Variants in ASIC2 observed in about 807,000 individuals in gnomAD.
The protein encoded by ASIC2 is acid-sensing ion channel 2.
In ASIC2, 25 loss-of-function variants were observed where a neutral mutation model predicts 57.3. The ratio of observed to expected loss-of-function variants is 0.44; its 90% CI spans 0.32 to 0.61. ASIC2 has a LOEUF of 0.61. Among genes scored for constraint, ASIC2 ranks in the 20% least tolerant of loss-of-function variants. ASIC2 has a pLI of 0.06. For synonymous variants in ASIC2, 319 were observed against 307.5 expected (o/e 1.04, Z -0.39); for missense variants, 641 against 738.1 (o/e 0.87, Z 1.52).
At chr17:33,674,949 G>T (rs943495257) in intron 1 of ASIC2, among the ~76,000 whole-genome samples, 1 of 152,120 alleles carries the variant, frequency 6.6e-6, no homozygotes, top group Non-Finnish European at 1.5e-5. Context: ...AAATGAGAAT[G>T]ACAATCTCAT....
chr17:33,892,508 T>G (rs552798829), intron 1 of ASIC2, among the ~76,000 whole-genome samples: 1 of 152,268 alleles, frequency 6.6e-6, no homozygotes, highest in South Asian at 2.1e-4. Context: ...ACTTTCTCCT[T>G]GAAATAATCC....
intron 1 of ASIC2, among the ~76,000 whole-genome samples, chr17:33,530,387 AAGAG>A (rs1163936363): frequency 6.6e-6 from 1 of 152,250 alleles, no homozygotes; most frequent in Non-Finnish European, 1.5e-5. Flanking sequence ...GAAAAAGAAA[AAGAG>A]AGAGAGGTCA....
At chr17:33,770,086 T>C (rs1911049492) in intron 1 of ASIC2, among the ~76,000 whole-genome samples, 1 of 152,182 alleles carries the variant, frequency 6.6e-6, no homozygotes, top group Non-Finnish European at 1.5e-5. Context: ...GAACAGCTGA[T>C]TTGCTAGGAC....
rs549141394 is a variant in ASIC2, at chr17:34,131,481, G to A, written c.555+24497C>T. Among the ~76,000 whole-genome samples the A allele has an allele frequency of 3.7e-3, 558 of 152,236 alleles. 2 individuals are homozygous for A. The highest frequency in any genetic ancestry group is 6.5e-3 in the Non-Finnish European group (440 of 68,010). ...CAGGACCTATAAATAGCCACATAAA[G>A]GTTTCTGCCCCCAGCTCAGCCACAG... is the stretch of plus-strand genomic sequence containing the variant. On this transcript the variant is annotated intron_variant, in intron 1 of 9. Coordinates refer to the ASIC2 transcript ENST00000359872.
At chr17:33,185,653 G>A (rs1427855383) in intron 1 of ASIC2, among the ~76,000 whole-genome samples, 1 of 152,164 alleles carries the variant, frequency 6.6e-6, no homozygotes, top group Non-Finnish European at 1.5e-5. Context: ...CAAGATAAGA[G>A]TACACAAGAG....
chr17:33,840,627 A>G (rs1339159354), intron 1 of ASIC2, among the ~76,000 whole-genome samples: 1 of 152,174 alleles, frequency 6.6e-6, no homozygotes, highest in African/African-American at 2.4e-5. Context: ...CAAGTGGAAA[A>G]TTGAGAAGGG....
intron 1 of ASIC2, among the ~76,000 whole-genome samples, chr17:33,755,049 T>C (rs1358811402): frequency 6.6e-6 from 1 of 151,226 alleles, no homozygotes; most frequent in Admixed American, 6.6e-5. Context: ...TGGGATTAAG[T>C]TAAAGATTTT....
Position 33,151,497 on chromosome 17 carries a change from G to A in ASIC2, c.709-39430C>T, listed in dbSNP as rs189494118. Among the ~76,000 whole-genome samples the A allele has an allele frequency of 5.0e-4, 76 of 152,254 alleles. 1 individual carries two copies. In the Middle Eastern group the frequency reaches 0.01, roughly 20 times the overall value. On this transcript the variant is annotated intron_variant, in intron 1 of 9. Coordinates refer to ENST00000225823, the MANE Select transcript of ASIC2 (RefSeq NM_183377.2). ...TCATTTCTAGAATGATGGTCCTTGT[G>A]ACGGTTTGAATGTGTACCCAGAAGT... is the stretch of plus-strand genomic sequence containing the variant.
intron 1 of ASIC2, among the ~76,000 whole-genome samples, chr17:33,567,029 G>A (rs992315820): frequency 6.6e-6 from 1 of 152,176 alleles, no homozygotes; most frequent in Non-Finnish European, 1.5e-5. Flanking sequence ...GTAGATATGA[G>A]TATTCCTTTC....
intron 9 of ASIC2, among the ~76,000 whole-genome samples, chr17:33,014,529 T>C (rs930340123): frequency 5.9e-5 from 9 of 151,858 alleles, no homozygotes; most frequent in Non-Finnish European, 1.0e-4. Flanking sequence ...CCAGAGCTGG[T>C]CAGAGCTGCC....
chr17:33,429,580 CG>C (rs1420436922), intron 1 of ASIC2, among the ~76,000 whole-genome samples: 2 of 151,914 alleles, frequency 1.3e-5, no homozygotes, highest in Admixed American at 6.6e-5. Context: ...TTAGTAGAGA[CG>C]GGGTTTCACT....
rs1910505429 is a variant in ASIC2, at chr17:33,407,264, A to G, written c.556-295197T>C. On this transcript the variant is annotated intron_variant, in intron 1 of 9. Coordinates refer to the ASIC2 transcript ENST00000359872. ...GTCTCAGTGCCCAAGGTCCCTCAAT[A>G]ATAACTGGCTGATCTGGGATTTGAA... is the stretch of plus-strand genomic sequence containing the variant. 3.3e-5 allele frequency among the ~76,000 whole-genome samples: 5 copies of G among 152,344 alleles called. No individual in the cohort carries two copies. The South Asian group carries it at 1.0e-3, about 32-fold the overall frequency.
chr17:33,497,183 T>A (rs1470843199), intron 1 of ASIC2, among the ~76,000 whole-genome samples: 1 of 152,210 alleles, frequency 6.6e-6, no homozygotes, highest in Non-Finnish European at 1.5e-5. Flanking sequence ...CCTTCTTCAA[T>A]GAATGAATGA....
chr17:34,047,136 C>G (rs1908367635), intron 1 of ASIC2, among the ~76,000 whole-genome samples: 1 of 152,072 alleles, frequency 6.6e-6, no homozygotes, highest in Non-Finnish European at 1.5e-5. Flanking sequence ...TGCAAGGCCC[C>G]AAAGACCATG....
chr17:33,577,891 G>C lies in ASIC2; in HGVS notation c.556-465824C>G, dbSNP rs147130524. ...AACCTTTCCAGTGGCAGCCAGTGGTGTGTTCCTGGTGCTTGAGGTGTGAGT... is the reference window on the plus strand; with the variant it reads ...AACCTTTCCAGTGGCAGCCAGTGGTCTGTTCCTGGTGCTTGAGGTGTGAGT... On this transcript the variant is annotated intron_variant, in intron 1 of 9. Transcript: ENST00000359872. Among the ~76,000 whole-genome samples, 15 of 152,274 alleles carry C rather than the reference G, an allele frequency of 9.9e-5. No individual in the cohort carries two copies. In the East Asian group the frequency reaches 2.9e-3, roughly 30 times the overall value.
chr17:33,229,216 G>C (rs549144986), intron 1 of ASIC2, among the ~76,000 whole-genome samples: 1 of 152,254 alleles, frequency 6.6e-6, no homozygotes, highest in African/African-American at 2.4e-5. Context: ...AAATGCGGGG[G>C]GAAAGTGGAA....
At chr17:33,239,119 C>T (rs531540495) in intron 1 of ASIC2, among the ~76,000 whole-genome samples, 5 of 152,110 alleles carry the variant, frequency 3.3e-5, no homozygotes, top group South Asian at 4.2e-4. Context: ...TGTGAAACCC[C>T]GTCTCTACTA....
At chr17:33,407,690 C>T (rs1165573511) in intron 1 of ASIC2, among the ~76,000 whole-genome samples, 1 of 152,112 alleles carries the variant, frequency 6.6e-6, no homozygotes, top group African/African-American at 2.4e-5. Flanking sequence ...GAGCTTCAGG[C>T]CTTTGCAGAT....
chr17:33,578,966 G>C (rs978126010), intron 1 of ASIC2, among the ~76,000 whole-genome samples: 2 of 152,142 alleles, frequency 1.3e-5, no homozygotes, highest in Non-Finnish European at 1.5e-5. Context: ...CCTGGTCCTA[G>C]GGAGCACCTT....
Sources: allele counts gnomAD v4.1 joint callset (sites outside exome capture counted in the v4.1 genomes callset), GRCh38; gene constraint gnomAD v4.1.1; transcripts MANE v1.5; gene names NCBI Gene and HGNC (gene_info 2026-07-23, HGNC 2026-07-21).